The following TCF7L1 variants were observed in gnomAD, a reference collection of about 807,000 sequenced individuals.
TCF7L1 encodes transcription factor 7-like 1.
A neutral mutation model predicts 63.7 loss-of-function variants in TCF7L1; 18 were observed. The ratio of observed to expected loss-of-function variants is 0.28; its 90% CI spans 0.20 to 0.42. TCF7L1 has a LOEUF of 0.42. Ranked by LOEUF, TCF7L1 falls within the 10% of genes least tolerant of loss-of-function variation. The pLI is 1.00. For synonymous variants in TCF7L1, 355 were observed against 340.9 expected, an observed-to-expected ratio of 1.04 and a Z score of -0.46; for missense variants, 654 against 779.3, an observed-to-expected ratio of 0.84 and a Z score of 1.91.
chr2:85,201,891 A>G (rs1165523713), intron 3 of TCF7L1, among the ~76,000 whole-genome samples: 2 of 152,118 alleles, frequency 1.3e-5, no homozygotes, highest in South Asian at 4.1e-4. Context: ...TTTATTGGCC[A>G]TTGTTAAGTC....
intron 3 of TCF7L1, among the ~76,000 whole-genome samples, chr2:85,238,858 C>CGTG (rs1177361133): frequency 7.3e-5 from 11 of 151,532 alleles, no homozygotes; most frequent in Non-Finnish European, 1.5e-5. Context: ...CTTACTCTGT[C>CGTG]GCCCAGACTG....
chr2:85,163,351 A>G (rs1001776567), intron 3 of TCF7L1, among the ~76,000 whole-genome samples: 2 of 152,092 alleles, frequency 1.3e-5, no homozygotes, highest in Admixed American at 6.5e-5. Context: ...CCCCTCCCCC[A>G]TAAGACCATG....
chr2:85,163,066 C>T (rs2104223108), intron 3 of TCF7L1, among the ~76,000 whole-genome samples: 1 of 152,264 alleles, frequency 6.6e-6, no homozygotes, highest in South Asian at 2.1e-4. Context: ...AGGAAAGGCC[C>T]TCCAAGGTCG....
intron 3 of TCF7L1, among the ~76,000 whole-genome samples, chr2:85,141,625 A>G (rs57097797): frequency 6.6e-6 from 1 of 152,138 alleles, no homozygotes. Context: ...TGTATTTGGG[A>G]TGCTGGAGTG....
intron 3 of TCF7L1, among the ~76,000 whole-genome samples, chr2:85,145,842 T>C (rs1015986570): frequency 1.3e-5 from 2 of 152,214 alleles, no homozygotes; most frequent in African/African-American, 2.4e-5. Context: ...CTTTTTGCTA[T>C]GTTTTTATTT....
At chr2:85,260,388 A>G (rs545881714) in intron 3 of TCF7L1, among the ~76,000 whole-genome samples, 20 of 152,042 alleles carry the variant, frequency 1.3e-4, no homozygotes, top group Admixed American at 4.6e-4. Context: ...TGTAATCCCA[A>G]CATTTTGGGA....
chr2:85,236,307 T>C (rs2104318516), intron 3 of TCF7L1, among the ~76,000 whole-genome samples: 1 of 152,340 alleles, frequency 6.6e-6, no homozygotes, highest in Admixed American at 6.5e-5. Flanking sequence ...CAGATTTTTC[T>C]GGACTCTGTT....
In TCF7L1 at chr2:85,134,095, G is replaced by T. The variant is rs777901453; in HGVS notation, c.313+16G>T. ...TTCGCCGAAGGTATGTGCCCGCTGG[G>T]ACAGCCCCCCACTCTCGATTCCCGC... On this transcript the variant is annotated intron_variant, in intron 2 of 11. Transcript: ENST00000282111. The surrounding 1 kb of genome is among the most constrained non-coding windows in gnomAD (Gnocchi z 5.0). 6.2e-7 allele frequency: 1 copy of T among 1,608,214 alleles called. No individual in the cohort carries two copies. The highest frequency in any genetic ancestry group is 1.1e-5 in the South Asian group (1 of 90,340).
chr2:85,286,309 T>C (rs1429751371), intron 4 of TCF7L1, among the ~76,000 whole-genome samples: 6 of 151,320 alleles, frequency 4.0e-5, no homozygotes, highest in Non-Finnish European at 8.8e-5. Context: ...GAGCTGAGAT[T>C]GCACCACTGC....
intron 3 of TCF7L1, among the ~76,000 whole-genome samples, chr2:85,187,777 A>G (rs929221116): frequency 1.3e-5 from 2 of 152,188 alleles, no homozygotes; most frequent in Admixed American, 6.5e-5. Flanking sequence ...TTCTTTTTCA[A>G]AATAGTTTTG....
chr2:85,182,696 C>T (rs1018611210), intron 3 of TCF7L1, among the ~76,000 whole-genome samples: 2 of 152,174 alleles, frequency 1.3e-5, no homozygotes, highest in African/African-American at 4.8e-5. Flanking sequence ...AATAACACCC[C>T]GAATGGCTTA....
At position 85,309,058 on chromosome 2, in the gene TCF7L1, T is replaced by C; in HGVS notation, c.1363T>C (p.Cys455Arg). 6.2e-7 allele frequency: 1 copy of C among 1,604,486 alleles called. No individual in the cohort carries two copies. The highest frequency in any genetic ancestry group is 8.5e-7 in the Non-Finnish European group (1 of 1,174,938). ...GALASKSKKP[C>R]VQYLPPEKPC... ...CCTGGCCTCCAAGAGCAAGAAGCCA[T>C]GTGTTCAGTACCTGCCCCCCGAGAA... Residue 455 changes from cysteine (C) to arginine (R), a missense_variant, in exon 12 of 12, where the codon TGT becomes CGT. Cys to Arg is a radical substitution (Grantham distance 180). This residue lies in a region of TCF7L1 where 184 missense variants were observed against 204.0 expected (regional missense o/e 0.90). Transcript: ENST00000282111.
intron 3 of TCF7L1, among the ~76,000 whole-genome samples, chr2:85,183,432 G>A (rs543025007): frequency 1.3e-5 from 2 of 152,260 alleles, no homozygotes; most frequent in Admixed American, 1.3e-4. Context: ...TCAGACAGTA[G>A]TCAGATCATC....
chr2:85,161,408 A>G (rs1052585548), intron 3 of TCF7L1, among the ~76,000 whole-genome samples: 3 of 152,362 alleles, frequency 2.0e-5, no homozygotes, highest in Admixed American at 2.0e-4. Flanking sequence ...TCTTTGCAGC[A>G]GGGAGAAGCT....
intron 3 of TCF7L1, among the ~76,000 whole-genome samples, chr2:85,197,253 A>C (rs1679179375): frequency 6.6e-6 from 1 of 152,224 alleles, no homozygotes; most frequent in Non-Finnish European, 1.5e-5. Context: ...TGTACTAAAA[A>C]TACAAAAATT....
chr2:85,295,924 C>T (rs763471511), intron 4 of TCF7L1, among the ~76,000 whole-genome samples: 1 of 151,708 alleles, frequency 6.6e-6, no homozygotes, highest in East Asian at 1.9e-4. Flanking sequence ...ATTACAGGTG[C>T]CCACCACCAC....
At chr2:85,247,545 A>G (rs1244264622) in intron 3 of TCF7L1, among the ~76,000 whole-genome samples, 1 of 152,232 alleles carries the variant, frequency 6.6e-6, no homozygotes, top group Non-Finnish European at 1.5e-5. Flanking sequence ...ACTTAAACAA[A>G]TGGACTTTTT....
intron 4 of TCF7L1, among the ~76,000 whole-genome samples, chr2:85,293,965 A>C (rs59353316): frequency 0.15 from 22,642 of 150,756 alleles, 2,209 homozygotes; most frequent in African/African-American, 0.28. Flanking sequence ...GTTAAAACAA[A>C]GATTGCTGAA....
At chr2:85,184,927 T>A (rs1210527897) in intron 3 of TCF7L1, among the ~76,000 whole-genome samples, 1 of 152,134 alleles carries the variant, frequency 6.6e-6, no homozygotes, top group Admixed American at 6.5e-5. Flanking sequence ...TAGCAGCCAA[T>A]CTGTTTTGTT....
Sources: allele counts gnomAD v4.1 joint callset (sites outside exome capture counted in the v4.1 genomes callset), GRCh38; gene constraint gnomAD v4.1.1; regional missense constraint gnomAD v4.1.1; non-coding constraint Gnocchi (gnomAD v3.1); transcripts MANE v1.5; gene names NCBI Gene and HGNC (gene_info 2026-07-23, HGNC 2026-07-21).